Variants in PTPRD observed in about 807,000 individuals in gnomAD.
PTPRD encodes the protein receptor-type tyrosine-protein phosphatase delta.
PTPRD carries 34 observed loss-of-function variants against 214.5 expected under a neutral mutation model. The observed-to-expected ratio is 0.16, with a 90% confidence interval of 0.12 to 0.21. The LOEUF (loss-of-function observed/expected upper bound fraction) is 0.21. Among genes scored for constraint, PTPRD ranks in the 10% least tolerant of loss-of-function variants. The probability of loss-of-function intolerance (pLI) is 1.00; values close to 1 mark genes in which losing one functional copy is unlikely to be tolerated. For synonymous variants in PTPRD, 1,128 were observed against 845.7 expected (o/e 1.33, Z -5.79); for missense variants, 2,545 against 2,398.7 (o/e 1.06, Z -1.27).
chr9:10,253,029 C>G (rs1258353321), intron 3 of PTPRD, among the ~76,000 whole-genome samples: 1 of 152,192 alleles, frequency 6.6e-6, no homozygotes, highest in African/African-American at 2.4e-5. Flanking sequence ...GGTGATCCGT[C>G]TGCCTTGGCC....
chr9:10,315,516 G>A (rs897178256), intron 3 of PTPRD, among the ~76,000 whole-genome samples: 2 of 151,818 alleles, frequency 1.3e-5, no homozygotes, highest in African/African-American at 4.8e-5. Context: ...TTTATTATAT[G>A]CAATATGACA....
At chr9:8,773,785 G>C (rs1789637884) in intron 11 of PTPRD, among the ~76,000 whole-genome samples, 1 of 152,118 alleles carries the variant, frequency 6.6e-6, no homozygotes, top group Non-Finnish European at 1.5e-5. Flanking sequence ...AAATAAAATA[G>C]CTGCAGTTTC....
At chr9:8,988,853 T>A (rs17663930) in intron 11 of PTPRD, among the ~76,000 whole-genome samples, 27,586 of 152,020 alleles carry the variant, frequency 0.18, 2,845 homozygotes, top group Non-Finnish European at 0.23. Context: ...TACACAGAAT[T>A]GTTCCAGAGA....
At chr9:10,428,287 A>T (rs2098643652) in intron 2 of PTPRD, among the ~76,000 whole-genome samples, 1 of 152,062 alleles carries the variant, frequency 6.6e-6, no homozygotes, top group Non-Finnish European at 1.5e-5. Context: ...CCACTGCACG[A>T]CAGAGCAAGA....
chr9:9,960,508 A>G (rs1341105259), intron 4 of PTPRD, among the ~76,000 whole-genome samples: 2 of 152,146 alleles, frequency 1.3e-5, no homozygotes, highest in Non-Finnish European at 2.9e-5. Flanking sequence ...AACCTGACAT[A>G]TACTACCTCA....
At chr9:8,416,569 G>A (rs2093954902) in intron 35 of PTPRD, among the ~76,000 whole-genome samples, 1 of 152,250 alleles carries the variant, frequency 6.6e-6, no homozygotes, top group Middle Eastern at 3.4e-3. Flanking sequence ...CTCTGGAGGG[G>A]ATTTTGTGAA....
chr9:10,319,503 T>C (rs2096511539), intron 3 of PTPRD, among the ~76,000 whole-genome samples: 1 of 152,082 alleles, frequency 6.6e-6, no homozygotes, highest in Admixed American at 6.6e-5. Context: ...AATCTCTGGA[T>C]CATATTTTTT....
chr9:10,209,181 T>G (rs890719284), intron 3 of PTPRD, among the ~76,000 whole-genome samples: 1 of 152,180 alleles, frequency 6.6e-6, no homozygotes, highest in Non-Finnish European at 1.5e-5. Flanking sequence ...GCTTTAAGTA[T>G]AGAATCAACT....
intron 8 of PTPRD, among the ~76,000 whole-genome samples, chr9:9,523,474 T>G (rs551867015): frequency 6.6e-6 from 1 of 152,200 alleles, no homozygotes; most frequent in African/African-American, 2.4e-5. Flanking sequence ...TATTGGATTA[T>G]AGTGTGTTTA....
chr9:10,492,422 G>C (rs933642610), intron 2 of PTPRD, among the ~76,000 whole-genome samples: 1 of 152,084 alleles, frequency 6.6e-6, no homozygotes, highest in African/African-American at 2.4e-5. Context: ...GCATGAGATG[G>C]TATCTCATTG....
chr9:10,306,511 G>T (rs2096073973), intron 3 of PTPRD, among the ~76,000 whole-genome samples: 1 of 151,966 alleles, frequency 6.6e-6, no homozygotes, highest in South Asian at 2.1e-4. Flanking sequence ...ACCACACAGA[G>T]CAAAGTTTTT....
intron 9 of PTPRD, among the ~76,000 whole-genome samples, chr9:9,305,132 C>T (rs1956734913): frequency 6.6e-6 from 1 of 151,536 alleles, no homozygotes; most frequent in South Asian, 2.1e-4. Flanking sequence ...CCTCTTTCTG[C>T]ACATTTCAGC....
chr9:8,470,852 C>T (rs531563973), intron 31 of PTPRD, 143 bp downstream of exon 31: 78 of 673,362 alleles, frequency 1.2e-4, no homozygotes, highest in Non-Finnish European at 1.4e-4. Context: ...GGTTAGCATG[C>T]CCATAGCACT....
chr9:8,501,803 C>T (rs1416878399), intron 23 of PTPRD, among the ~76,000 whole-genome samples: 1 of 152,164 alleles, frequency 6.6e-6, no homozygotes, highest in African/African-American at 2.4e-5. Flanking sequence ...CTGACTGTAA[C>T]TTGTACTTAC....
intron 6 of PTPRD, among the ~76,000 whole-genome samples, chr9:9,764,604 A>C (rs1230094185): frequency 6.6e-6 from 1 of 152,218 alleles, no homozygotes; most frequent in Admixed American, 6.5e-5. Flanking sequence ...GAAATGGAAA[A>C]AAGTAAAATC....
intron 19 of PTPRD, 131 bp from the exon 20 acceptor site, chr9:8,521,677 A>G (rs2097893381): frequency 2.0e-6 from 2 of 1,007,074 alleles, no homozygotes; most frequent in East Asian, 5.1e-5. Flanking sequence ...AACAAAACAT[A>G]AAGAAAAACT....
At chr9:8,329,715 G>A (rs1837799058) in intron 44 of PTPRD, among the ~76,000 whole-genome samples, 1 of 152,146 alleles carries the variant, frequency 6.6e-6, no homozygotes, top group African/African-American at 2.4e-5. Flanking sequence ...GAGATGCCCT[G>A]CCCAGGGAGG....
At chr9:10,526,338 C>T (rs1321146597) in intron 2 of PTPRD, among the ~76,000 whole-genome samples, 1 of 152,098 alleles carries the variant, frequency 6.6e-6, no homozygotes, top group South Asian at 2.1e-4. Flanking sequence ...TATAATATTG[C>T]TAAAGTGTGG....
intron 2 of PTPRD, among the ~76,000 whole-genome samples, chr9:10,606,023 A>T (rs1007008128): frequency 1.3e-5 from 2 of 151,876 alleles, no homozygotes; most frequent in South Asian, 2.1e-4. Context: ...AGTAGTGCAT[A>T]ATGTGAATAT....
Sources: allele counts gnomAD v4.1 joint callset (sites outside exome capture counted in the v4.1 genomes callset), GRCh38; gene constraint gnomAD v4.1.1; transcripts MANE v1.5; gene names NCBI Gene and HGNC (gene_info 2026-07-23, HGNC 2026-07-21).